BACH1: variants seen among roughly 807,000 people sequenced by gnomAD.
BACH1 encodes transcription regulator protein BACH1.
A neutral mutation model predicts 52.9 loss-of-function variants in BACH1; 35 were observed. The ratio of observed to expected loss-of-function variants is 0.66; its 90% CI spans 0.51 to 0.88. BACH1 has a LOEUF of 0.88. BACH1 is among the 40% of genes least tolerant of loss of function. The probability of loss-of-function intolerance (pLI) is 0.00; values close to 1 mark genes in which losing one functional copy is unlikely to be tolerated. For missense variants in BACH1, 808 were observed against 872.6 expected (o/e 0.93, Z 0.93); for synonymous variants, 321 against 319.6 (o/e 1.00, Z -0.05).
rs1376619255 is a variant in BACH1, at chr21:29,329,483, C to G, written c.1570-4C>G. 1 of 1,519,034 alleles carries G rather than the reference C, an allele frequency of 6.6e-7. No individual in the cohort carries two copies. 94.1% of individuals were successfully genotyped at this position (1,519,034 alleles called of 1,614,324 possible). A position where few individuals can be genotyped will look rare whatever the true frequency, so the allele number is the denominator to read the frequency against. On this transcript the variant is annotated splice_region_variant and splice_polypyrimidine_tract_variant and intron_variant, in intron 3 of 4. Transcript: ENST00000286800. Reference sequence around the variant, plus strand: ...TAATTAGTAATATTTATTTCATATTCTAGGTAAAACTGCCATTCAATGCAC... The same window carrying G: ...TAATTAGTAATATTTATTTCATATTGTAGGTAAAACTGCCATTCAATGCAC...
chr21:29,330,682 T>G (rs1004831169), intron 4 of BACH1, among the ~76,000 whole-genome samples: 1 of 152,140 alleles, frequency 6.6e-6, no homozygotes, highest in African/African-American at 2.4e-5. Flanking sequence ...TATTCAATTT[T>G]GTGTCTATTA....
Position 29,344,634 on chromosome 21 carries a change from TTGTGTGTGTGTGTGTGTGTGTG to T in BACH1, c.*1815_*1836del, listed in dbSNP as rs10595449. 1 of 149,204 alleles carries T rather than the reference TTGTGTGTGTGTGTGTGTGTGTG, an allele frequency of 6.7e-6. No individual in the cohort carries two copies. Among genetic ancestry groups the T allele is most frequent in the South Asian group, 2.1e-4 (1 of 4,684 alleles). The allele number at this position is 149,204 out of a possible 1,614,324, so 9.2% of individuals were successfully genotyped here. A position where few individuals can be genotyped will look rare whatever the true frequency, so the allele number is the denominator to read the frequency against. On this transcript the variant is annotated 3_prime_UTR_variant, in exon 5 of 5. Transcript: ENST00000286800. ...AGTGCATCCCATACTGCAAAAGAATTTGTGTGTGTGTGTGTGTGTGTGTGTGTGTGTGTGTATGTGTATGTAT... is the reference window on the plus strand; with the variant it reads ...AGTGCATCCCATACTGCAAAAGAATTTGTGTGTGTGTGTATGTGTATGTAT...
chr21:29,349,653 CA>C (rs1468720267), downstream of BACH1, among the ~76,000 whole-genome samples: 2 of 152,156 alleles, frequency 1.3e-5, no homozygotes, highest in Admixed American at 6.5e-5. Flanking sequence ...TGACAGGCAT[CA>C]GGGGGAAGCT....
intron 2 of BACH1, among the ~76,000 whole-genome samples, chr21:29,352,300 C>T (rs934256237): frequency 5.3e-5 from 8 of 152,008 alleles, no homozygotes; most frequent in Non-Finnish European, 7.4e-5. Context: ...GTGATCCGCC[C>T]GCCTCGGCCT....
At chr21:29,358,814 G>GAAAGAA (rs1555888598) in intron 2 of BACH1, among the ~76,000 whole-genome samples, 1 of 108,202 alleles carries the variant, frequency 9.2e-6, no homozygotes, top group African/African-American at 3.0e-5. Context: ...AAGAAAGAAA[G>GAAAGAA]AAGAAAGAAA....
chr21:29,321,645 CTTT>C lies in BACH1; in HGVS notation c.234+145_234+147del, dbSNP rs377229311. ...GCATTTCCCAGGTTCTGTGCAACCC[CTTT>C]TTTTTTTTTTTTTAGTTTTTTTAAT... On this transcript the variant is annotated intron_variant, in intron 2 of 4. Coordinates refer to ENST00000286800, the MANE Select transcript of BACH1 (RefSeq NM_001186.4). 828 of 503,974 alleles carry C rather than the reference CTTT, an allele frequency of 1.6e-3. 3 individuals carry two copies. Among genetic ancestry groups the C allele is most frequent in the African/African-American group, 0.011 (496 of 45,028 alleles). The allele number at this position is 503,974 out of a possible 1,614,324, so 31.2% of individuals were successfully genotyped here.
chr21:29,357,537 A>T (rs1363089572), intron 2 of BACH1, among the ~76,000 whole-genome samples: 1 of 152,158 alleles, frequency 6.6e-6, no homozygotes, highest in Non-Finnish European at 1.5e-5. Context: ...TTTGGCACCT[A>T]GTATGCCATT....
intron 4 of BACH1, among the ~76,000 whole-genome samples, chr21:29,333,815 CTT>C (rs974087566): frequency 2.0e-4 from 30 of 152,136 alleles, no homozygotes; most frequent in African/African-American, 6.8e-4. Context: ...ATAAAGGACA[CTT>C]TTATTAAAGT....
chr21:29,303,052 C>T (rs2088620409), intron 1 of BACH1, among the ~76,000 whole-genome samples: 1 of 152,106 alleles, frequency 6.6e-6, no homozygotes, highest in African/African-American at 2.4e-5. Flanking sequence ...ACCTGTCCAC[C>T]CCTCCCTTCT....
intron 1 of BACH1, among the ~76,000 whole-genome samples, chr21:29,319,215 GT>G (rs1569011734): frequency 6.6e-6 from 1 of 152,198 alleles, no homozygotes; most frequent in East Asian, 1.9e-4. Context: ...CTTTAGGATA[GT>G]CTCTGGAGAG....
At chr21:29,303,957 G>A (rs1430163889) in intron 1 of BACH1, among the ~76,000 whole-genome samples, 1 of 152,154 alleles carries the variant, frequency 6.6e-6, no homozygotes, top group African/African-American at 2.4e-5. Flanking sequence ...CTGGCAGCTG[G>A]TTCCTTCTCA....
rs879066891 is a variant in BACH1 at position 29,326,936 on chromosome 21, C to A, written c.1112C>A (p.Ser371Tyr). The A allele has an allele frequency of 1.2e-6, 2 of 1,614,192 alleles. No individual in the cohort carries two copies. The highest frequency in any genetic ancestry group is 1.1e-5 in the South Asian group (1 of 91,088). Reference sequence around the variant, plus strand: ...GAAAGTCAGGATTTACCTTTGAAATCCGACTTGGGCACCAGGGAAGATAGT... The same window carrying A: ...GAAAGTCAGGATTTACCTTTGAAATACGACTTGGGCACCAGGGAAGATAGT... ...FGESQDLPLK[S>Y]DLGTREDSSV... Residue 371 changes from serine (S) to tyrosine (Y), a missense_variant, in exon 3 of 5, where the codon TCC becomes TAC. Transcript: ENST00000286800.
chr21:29,336,955 A>G (rs2089052602), intron 4 of BACH1, among the ~76,000 whole-genome samples: 1 of 152,194 alleles, frequency 6.6e-6, no homozygotes, highest in African/African-American at 2.4e-5. Flanking sequence ...TACAGACATG[A>G]GCCACCATGC....
chr21:29,313,693 A>G (rs1036638611), intron 1 of BACH1, among the ~76,000 whole-genome samples: 2 of 152,228 alleles, frequency 1.3e-5, no homozygotes, highest in African/African-American at 2.4e-5. Flanking sequence ...TTTCTGAGTA[A>G]TGAAAGAAAC....
chr21:29,326,845 CAA>C lies in BACH1; in HGVS notation c.1024_1025del (p.Asn342HisfsTer21). 1.2e-6 allele frequency: 2 copies of C among 1,614,096 alleles called. No homozygotes were observed. The highest frequency in any genetic ancestry group is 1.7e-6 in the Non-Finnish European group (2 of 1,180,014). ...TGGTGACTTGAATTTTGCTGGTATG[CAA>C]AACACAACAGTGTTAACAGAAAAGC... ...QYGDLNFAGM[Q>X]NTTVLTEKPL... is the part of the protein sequence containing the mutation. On this transcript the variant is annotated frameshift_variant, in exon 3 of 5. Transcript: ENST00000286800. LOFTEE classifies it high-confidence loss of function.
At chr21:29,313,398 T>A (rs1419314168) in intron 1 of BACH1, among the ~76,000 whole-genome samples, 1 of 152,224 alleles carries the variant, frequency 6.6e-6, no homozygotes, top group Non-Finnish European at 1.5e-5. Context: ...TCTAAAAAGT[T>A]AGGCATGTGC....
Position 29,346,056 on chromosome 21 carries a change from G to A in BACH1, c.*3223G>A, listed in dbSNP as rs575982438. 5.0e-4 allele frequency: 76 copies of A among 152,638 alleles called. No individual in the cohort carries two copies. The highest frequency in any genetic ancestry group is 1.7e-3 in the African/African-American group (70 of 41,542). The allele number at this position is 152,638 out of a possible 1,614,324, so 9.5% of individuals were successfully genotyped here. A position where few individuals can be genotyped will look rare whatever the true frequency, so the allele number is the denominator to read the frequency against. On this transcript the variant is annotated 3_prime_UTR_variant, in exon 5 of 5. Transcript: ENST00000286800. ...TATTTAATTTACATTTCTCCCTAAT[G>A]TTCTTACCCAAATGTACCTGAACTA...
At chr21:29,306,950 C>T (rs2088664738) in intron 1 of BACH1, among the ~76,000 whole-genome samples, 1 of 151,752 alleles carries the variant, frequency 6.6e-6, no homozygotes, top group East Asian at 1.9e-4. Context: ...TCAAAAGTTC[C>T]CTGCCATTGT....
intron 2 of BACH1, 82 bp from the exon 3 acceptor site, chr21:29,325,977 C>T: frequency 7.5e-7 from 1 of 1,325,862 alleles, no homozygotes; most frequent in African/African-American, 1.5e-5. Flanking sequence ...ACATATCTCT[C>T]TATTCCTCTT....
Sources: gnomAD v4.1 joint callset for allele counts (sites outside exome capture counted in the v4.1 genomes callset) on GRCh38, gnomAD v4.1.1 for gene constraint, MANE v1.5 for transcripts, NCBI Gene and HGNC (gene_info 2026-07-23, HGNC 2026-07-21) for gene names.